The following PCSK6 variants were observed in gnomAD, a reference collection of about 807,000 sequenced individuals.
The protein encoded by PCSK6 is proprotein convertase subtilisin/kexin type 6.
Under a neutral mutation model 123.3 loss-of-function variants are expected in PCSK6, and 85 were observed. The ratio of observed to expected loss-of-function variants is 0.69; its 90% CI spans 0.58 to 0.83. The LOEUF (loss-of-function observed/expected upper bound fraction) is 0.83. Ranked by LOEUF, PCSK6 falls within the 40% of genes least tolerant of loss-of-function variation. The probability of loss-of-function intolerance (pLI) is 0.00; values close to 1 mark genes in which losing one functional copy is unlikely to be tolerated. For synonymous variants in PCSK6, 508 were observed against 516.0 expected, an observed-to-expected ratio of 0.98 and a Z score of 0.21; for missense variants, 1,191 against 1,282.3, an observed-to-expected ratio of 0.93 and a Z score of 1.09.
At chr15:101,451,008 G>C (rs559115722) in intron 1 of PCSK6, among the ~76,000 whole-genome samples, 22 of 151,564 alleles carry the variant, frequency 1.5e-4, no homozygotes, top group Admixed American at 1.4e-3. Flanking sequence ...GGCTTGCAGG[G>C]CCACACAAGG....
rs2141328777 is a variant in PCSK6 at position 101,307,397 on chromosome 15, C to CCTCA, written c.2700-76_2700-73dup. ...CCACTCCGGGCTCCCTTCCCAGAAC[C>CCTCA]CTCACCTCCCTGCACCTCCTTCCCA... On this transcript the variant is annotated intron_variant, in intron 20 of 21. Transcript: ENST00000611716. 3 of 1,066,738 alleles carry CCTCA rather than the reference C, an allele frequency of 2.8e-6. No individual in the cohort carries two copies. The South Asian group carries it at 4.1e-5, about 14-fold the overall frequency. 66.1% of individuals were successfully genotyped at this position (1,066,738 alleles called of 1,614,324 possible).
chr15:101,442,755 T>A (rs2056789324), intron 2 of PCSK6, among the ~76,000 whole-genome samples: 1 of 152,186 alleles, frequency 6.6e-6, no homozygotes, highest in Non-Finnish European at 1.5e-5. Context: ...ACCAATGACC[T>A]CCGTTCCTTG....
chr15:101,352,127 T>C (rs952361910), intron 13 of PCSK6, among the ~76,000 whole-genome samples: 3 of 148,868 alleles, frequency 2.0e-5, no homozygotes, highest in Non-Finnish European at 4.5e-5. Flanking sequence ...ATTTTATAAA[T>C]ATTTTTCTAA....
At chr15:101,343,166 G>C (rs879704860) in intron 13 of PCSK6, among the ~76,000 whole-genome samples, 3 of 151,964 alleles carry the variant, frequency 2.0e-5, no homozygotes, top group African/African-American at 4.8e-5. Flanking sequence ...ATTTCACTTA[G>C]AATTCCTTTG....
intron 13 of PCSK6, among the ~76,000 whole-genome samples, chr15:101,345,775 C>A (rs1224414833): frequency 1.3e-5 from 2 of 152,236 alleles, no homozygotes; most frequent in Non-Finnish European, 2.9e-5. Context: ...TCAAGTGATT[C>A]TCCTGCCTCA....
At chr15:101,353,157 C>T in intron 13 of PCSK6, among the ~76,000 whole-genome samples, 1 of 152,228 alleles carries the variant, frequency 6.6e-6, no homozygotes, top group African/African-American at 2.4e-5. Flanking sequence ...CAGTGGGAGC[C>T]CTGAGCTTCT....
intron 13 of PCSK6, among the ~76,000 whole-genome samples, chr15:101,362,240 G>A (rs139659642): frequency 0.013 from 2,009 of 152,302 alleles, 28 homozygotes; most frequent in Non-Finnish European, 0.018. Flanking sequence ...ACAGGCATGA[G>A]CCACCATGCC....
At chr15:101,431,629 G>A in intron 3 of PCSK6, 166 bp from the exon 4 acceptor site, 1 of 821,240 alleles carries the variant, frequency 1.2e-6, no homozygotes, top group South Asian at 1.5e-5. Flanking sequence ...CTCGGATCGA[G>A]AATCATGCAG....
chr15:101,381,351 CA>C (rs2041905785), intron 11 of PCSK6, among the ~76,000 whole-genome samples: 1 of 152,052 alleles, frequency 6.6e-6, no homozygotes, highest in South Asian at 2.1e-4. Flanking sequence ...GCAACAAGAG[CA>C]AAACTCGGTC....
chr15:101,334,249 GTTC>G (rs2040429058), intron 13 of PCSK6: 2 of 122,176 alleles, frequency 1.6e-5, no homozygotes, highest in African/African-American at 6.4e-5. Context: ...ACAGGAAGTT[GTTC>G]TCACCGCTGC....
chr15:101,341,877 C>T (rs1369890576), intron 13 of PCSK6, among the ~76,000 whole-genome samples: 1 of 152,096 alleles, frequency 6.6e-6, no homozygotes, highest in Non-Finnish European at 1.5e-5. Flanking sequence ...CCCTTATAAT[C>T]CCAGCATTTT....
At chr15:101,463,741 G>C (rs997659742) in intron 1 of PCSK6, among the ~76,000 whole-genome samples, 3 of 152,182 alleles carry the variant, frequency 2.0e-5, no homozygotes, top group Non-Finnish European at 4.4e-5. Context: ...CAGTCCCACT[G>C]AACAACGTGC....
At position 101,364,933 on chromosome 15, in the gene PCSK6, A is replaced by G. The variant is rs944484014; in HGVS notation, c.1858+1263T>C. The G allele has an allele frequency of 9.3e-6, 7 of 755,548 alleles. No individual in the cohort carries two copies. In the African/African-American group the frequency reaches 1.2e-4, roughly 13 times the overall value. The allele number at this position is 755,548 out of a possible 1,614,324, so 46.8% of individuals were successfully genotyped here. ...CTACAAAGCTACAGTGATCAAAACAATATGGTACTGACTCCAAGATAGATA... is the reference window on the plus strand; with the variant it reads ...CTACAAAGCTACAGTGATCAAAACAGTATGGTACTGACTCCAAGATAGATA... On this transcript the variant is annotated intron_variant, in intron 13 of 21. Transcript: ENST00000611716.
rs140399317 is a variant in PCSK6 at position 101,465,215 on chromosome 15, C to T, written c.298-21555G>A. 5.4e-3 allele frequency among the ~76,000 whole-genome samples: 829 copies of T among 152,338 alleles called. 6 individuals are homozygous for T. The highest frequency in any genetic ancestry group is 0.018 in the African/African-American group (760 of 41,580). ...CCTCAGCCTGTCCTCACACGTTCCC[C>T]AGACTCGCATGGCCACTTGTTGCCA... On this transcript the variant is annotated intron_variant, in intron 1 of 21. Coordinates refer to ENST00000611716, the MANE Select transcript of PCSK6 (RefSeq NM_002570.5).
At position 101,398,247 on chromosome 15, in the gene PCSK6, C is replaced by T. The variant is rs903032631; in HGVS notation, c.996+157G>A. Among the ~76,000 whole-genome samples the T allele has an allele frequency of 6.6e-6, 1 of 152,228 alleles. No individual in the cohort carries two copies. Among genetic ancestry groups the T allele is most frequent in the Non-Finnish European group, 1.5e-5 (1 of 68,044 alleles). ...CCGGTCAAGAGCCACTTCTCAGACT[C>T]CCCGAGTGACTCCTCCACACTGGCC... On this transcript the variant is annotated intron_variant, in intron 7 of 21. Transcript: ENST00000611716. This position sits in a 1 kb window ranked among gnomAD's most constrained non-coding sequence, Gnocchi z 4.6.
At chr15:101,473,488 G>C (rs1340792104) in intron 1 of PCSK6, among the ~76,000 whole-genome samples, 1 of 152,190 alleles carries the variant, frequency 6.6e-6, no homozygotes, top group Non-Finnish European at 1.5e-5. Context: ...CCAAATATCA[G>C]AACAAGGTAG....
At chr15:101,433,495 G>C (rs73481291) in intron 2 of PCSK6, among the ~76,000 whole-genome samples, 2 of 152,188 alleles carry the variant, frequency 1.3e-5, no homozygotes, top group Non-Finnish European at 1.5e-5. Flanking sequence ...AAGGATGGGC[G>C]CCAGGGCCGT....
intron 6 of PCSK6, among the ~76,000 whole-genome samples, chr15:101,408,621 A>AC (rs2042847931): frequency 6.6e-6 from 1 of 152,100 alleles, no homozygotes; most frequent in African/African-American, 2.4e-5. Context: ...AGTGGGGAAC[A>AC]CCCGCTCCCT....
chr15:101,439,245 G>A (rs2056691060), intron 2 of PCSK6, among the ~76,000 whole-genome samples: 7 of 152,272 alleles, frequency 4.6e-5, no homozygotes, highest in Admixed American at 4.6e-4. Flanking sequence ...CTCTGAGACA[G>A]ACTAGGGTCA....
Sources: allele counts gnomAD v4.1 joint callset (sites outside exome capture counted in the v4.1 genomes callset), GRCh38; gene constraint gnomAD v4.1.1; non-coding constraint Gnocchi (gnomAD v3.1); transcripts MANE v1.5; gene names NCBI Gene and HGNC (gene_info 2026-07-23, HGNC 2026-07-21).